Variants in CHST8 observed in about 807,000 individuals in gnomAD.
CHST8 encodes the protein GALNAC-4-ST1.
Under a neutral mutation model 15.0 loss-of-function variants are expected in CHST8, and 10 were observed. The observed-to-expected ratio is 0.67, with a 90% CI of 0.41 to 1.13. CHST8 has a LOEUF of 1.13. Ranked by LOEUF, CHST8 falls within the 50% of genes most tolerant of loss-of-function variation. The pLI is 0.00. For missense variants in CHST8, 634 were observed against 608.2 expected (o/e 1.04, Z -0.45); for synonymous variants, 259 against 256.6 (o/e 1.01, Z -0.09).
chr19:33,702,983 C>G (rs1000325350), intron 3 of CHST8, among the ~76,000 whole-genome samples: 5 of 152,198 alleles, frequency 3.3e-5, no homozygotes, highest in African/African-American at 1.2e-4. Context: ...TTTCCCTCCT[C>G]CTGTGCCTAC....
intron 3 of CHST8, among the ~76,000 whole-genome samples, chr19:33,698,680 G>A (rs1599563280): frequency 6.6e-6 from 1 of 152,152 alleles, no homozygotes; most frequent in South Asian, 2.1e-4. Context: ...GGGAGAGGTC[G>A]GGGCAATGGG....
chr19:33,739,567 A>G (rs1974148087), intron 3 of CHST8, among the ~76,000 whole-genome samples: 1 of 152,216 alleles, frequency 6.6e-6, no homozygotes, highest in Non-Finnish European at 1.5e-5. Flanking sequence ...GCTTCAAATC[A>G]CAGTGTGCGA....
At chr19:33,687,399 G>A (rs1973000239) in intron 2 of CHST8, among the ~76,000 whole-genome samples, 1 of 152,238 alleles carries the variant, frequency 6.6e-6, no homozygotes, top group Non-Finnish European at 1.5e-5. Context: ...GGCAAGGCAG[G>A]GGTGGCCTCG....
At chr19:33,654,685 G>A (rs1226812279) in intron 1 of CHST8, among the ~76,000 whole-genome samples, 1 of 151,892 alleles carries the variant, frequency 6.6e-6, no homozygotes, top group East Asian at 1.9e-4. Flanking sequence ...CTCCCAGAAT[G>A]AAAATATAAA....
chr19:33,699,236 C>T (rs1323418172), intron 3 of CHST8, among the ~76,000 whole-genome samples: 1 of 152,106 alleles, frequency 6.6e-6, no homozygotes, highest in East Asian at 1.9e-4. Context: ...GAGGGGTGCA[C>T]AGGGAGATGG....
intron 1 of CHST8, among the ~76,000 whole-genome samples, chr19:33,659,369 A>C (rs1972555671): frequency 6.6e-6 from 1 of 152,062 alleles, no homozygotes; most frequent in Non-Finnish European, 1.5e-5. Context: ...CCAGCCAGGT[A>C]ATGACTTCTA....
chr19:33,767,019 G>A (rs1178434427), intron 3 of CHST8, among the ~76,000 whole-genome samples: 3 of 152,040 alleles, frequency 2.0e-5, no homozygotes, highest in Non-Finnish European at 4.4e-5. Context: ...TCCCATGCCT[G>A]TCCCTCTGCA....
intron 2 of CHST8, chr19:33,684,675 A>G (rs571560909): frequency 6.6e-6 from 1 of 152,248 alleles, no homozygotes; most frequent in South Asian, 2.1e-4. Context: ...TAGTCTGACA[A>G]AACAGAAGGA....
At chr19:33,707,622 T>C (rs1241532275) in intron 3 of CHST8, among the ~76,000 whole-genome samples, 1 of 152,250 alleles carries the variant, frequency 6.6e-6, no homozygotes, top group African/African-American at 2.4e-5. Context: ...AATAATATTA[T>C]TCTATTACAT....
At chr19:33,740,026 A>G (rs1292946281) in intron 3 of CHST8, among the ~76,000 whole-genome samples, 1 of 152,172 alleles carries the variant, frequency 6.6e-6, no homozygotes, top group Non-Finnish European at 1.5e-5. Context: ...TTTCCATACT[A>G]CTTTTTAAAA....
chr19:33,720,686 C>T (rs745508870), intron 3 of CHST8, among the ~76,000 whole-genome samples: 2 of 152,262 alleles, frequency 1.3e-5, no homozygotes, highest in Non-Finnish European at 2.9e-5. Flanking sequence ...TGGAAGTTCT[C>T]CCCTCAAGAC....
intron 3 of CHST8, among the ~76,000 whole-genome samples, chr19:33,699,600 G>A (rs1973291533): frequency 6.6e-6 from 1 of 152,122 alleles, no homozygotes; most frequent in South Asian, 2.1e-4. Context: ...GTGCTGCTAT[G>A]CGTCATGCCT....
At chr19:33,675,797 C>T (rs887765081) in intron 2 of CHST8, among the ~76,000 whole-genome samples, 2 of 152,236 alleles carry the variant, frequency 1.3e-5, no homozygotes, top group Non-Finnish European at 2.9e-5. Context: ...ACCAGTGAGG[C>T]TGTAGCAGCC....
chr19:33,757,466 G>A (rs1462986085), intron 3 of CHST8, among the ~76,000 whole-genome samples: 1 of 39,648 alleles, frequency 2.5e-5, no homozygotes, highest in African/African-American at 1.1e-4. Context: ...AAGAAAGAAA[G>A]AAAGAAAGAA....
intron 1 of CHST8, among the ~76,000 whole-genome samples, chr19:33,629,458 A>G (rs1972096227): frequency 6.6e-6 from 1 of 152,260 alleles, no homozygotes. Flanking sequence ...GCTCTGCCCA[A>G]GGCTGGGAGC....
At chr19:33,700,661 C>T (rs1026930570) in intron 3 of CHST8, among the ~76,000 whole-genome samples, 8 of 152,178 alleles carry the variant, frequency 5.3e-5, no homozygotes, top group Non-Finnish European at 1.0e-4. Context: ...TTCTCATAAA[C>T]TCCAGAATGT....
Position 33,717,410 on chromosome 19 carries a change from G to A in CHST8, c.130+28019G>A, listed in dbSNP as rs183237980. On this transcript the variant is annotated intron_variant, in intron 3 of 4. Transcript: ENST00000650847. Reference sequence around the variant, plus strand: ...CAGGAGGCAGAGGTTGCAGTGAGCCGAGATCACACCACTGCACTCCAGCCT... The same window carrying A: ...CAGGAGGCAGAGGTTGCAGTGAGCCAAGATCACACCACTGCACTCCAGCCT... Among the ~76,000 whole-genome samples, 89 of 151,360 alleles carry A rather than the reference G, an allele frequency of 5.9e-4. 1 individual carries two copies. Among genetic ancestry groups the A allele is most frequent in the Middle Eastern group, 6.9e-3 (2 of 288 alleles).
intron 3 of CHST8, among the ~76,000 whole-genome samples, chr19:33,721,614 G>A: frequency 2.0e-5 from 2 of 99,104 alleles, no homozygotes; most frequent in East Asian, 3.2e-4. Flanking sequence ...GGATGGATGA[G>A]TAGGCAGATA....
At chr19:33,701,074 G>A (rs1404777082) in intron 3 of CHST8, among the ~76,000 whole-genome samples, 1 of 152,092 alleles carries the variant, frequency 6.6e-6, no homozygotes, top group Non-Finnish European at 1.5e-5. Context: ...TGAGGGTGGG[G>A]GTCATGAAGG....
Sources: gnomAD v4.1 joint callset for allele counts (sites outside exome capture counted in the v4.1 genomes callset) on GRCh38, gnomAD v4.1.1 for gene constraint, MANE v1.5 for transcripts, NCBI Gene and HGNC (gene_info 2026-07-23, HGNC 2026-07-21) for gene names.